TLK2: variants seen among roughly 807,000 people sequenced by gnomAD.
TLK2 encodes tousled like kinase 2, also known as serine/threonine-protein kinase tousled-like 2.
Under a neutral mutation model 117.3 loss-of-function variants are expected in TLK2, and 6 were observed. That is an observed-to-expected ratio of 0.05 (90% CI 0.03 to 0.10). The LOEUF (loss-of-function observed/expected upper bound fraction) is 0.10. TLK2 is among the 10% of genes least tolerant of loss of function. The probability of loss-of-function intolerance (pLI) is 1.00; values close to 1 mark genes in which losing one functional copy is unlikely to be tolerated. For missense variants in TLK2, 299 were observed against 901.2 expected (o/e 0.33, Z 8.56); for synonymous variants, 257 against 316.7 (o/e 0.81, Z 2.00).
chr17:62,512,371 C>T (rs1598308170), intron 2 of TLK2, among the ~76,000 whole-genome samples: 1 of 151,784 alleles, frequency 6.6e-6, no homozygotes. Flanking sequence ...TACAGGCATG[C>T]ACCACCACGC....
intron 13 of TLK2, among the ~76,000 whole-genome samples, chr17:62,577,070 C>T (rs2080858706): frequency 6.7e-6 from 1 of 150,192 alleles, no homozygotes; most frequent in Non-Finnish European, 1.5e-5. Flanking sequence ...TCAAGCGATT[C>T]TCGTGTCTCA....
chr17:62,599,062 C>T (rs182143215), intron 17 of TLK2, among the ~76,000 whole-genome samples: 2 of 152,226 alleles, frequency 1.3e-5, no homozygotes, highest in East Asian at 3.9e-4. Context: ...TCTCCTGCCT[C>T]AGCCTCCCAA....
chr17:62,576,966 C>CTTCTTTTTTTTTTTTTTTT (rs749402691), intron 13 of TLK2, among the ~76,000 whole-genome samples, 191 bp downstream of exon 13: 1 of 115,950 alleles, frequency 8.6e-6, no homozygotes, highest in East Asian at 3.2e-4. Flanking sequence ...CTTTCTTCTT[C>CTTCTTTTTTTTTTTTTTTT]TTTTTTTTTT....
chr17:62,594,827 CACA>C (rs2082344011), intron 16 of TLK2, among the ~76,000 whole-genome samples: 2 of 133,738 alleles, frequency 1.5e-5, no homozygotes, highest in Non-Finnish European at 3.4e-5. Context: ...CACACACACA[CACA>C]CCCCATGTGG....
chr17:62,515,021 C>T (rs887051537), intron 2 of TLK2, among the ~76,000 whole-genome samples: 3 of 152,226 alleles, frequency 2.0e-5, no homozygotes, highest in Non-Finnish European at 2.9e-5. Context: ...TAAACAACTC[C>T]TCATCTCTAC....
rs186814657 is a variant in TLK2, at chr17:62,524,763, C to T, written c.363+432C>T. Among the ~76,000 whole-genome samples the T allele has an allele frequency of 9.2e-5, 14 of 152,216 alleles. No individual in the cohort carries two copies. In the East Asian group the frequency reaches 2.7e-3, roughly 29 times the overall value. ...TGCAGATTTGTGATAGGTATGTTTCCAGCCTGTAAAAGAGATCTGAAGGTC... is the reference window on the plus strand; with the variant it reads ...TGCAGATTTGTGATAGGTATGTTTCTAGCCTGTAAAAGAGATCTGAAGGTC... On this transcript the variant is annotated intron_variant, in intron 6 of 21. Coordinates refer to ENST00000346027, the MANE Select transcript of TLK2 (RefSeq NM_006852.6).
intron 16 of TLK2, among the ~76,000 whole-genome samples, chr17:62,587,952 A>C (rs189717929): frequency 8.1e-4 from 123 of 151,560 alleles, no homozygotes; most frequent in Admixed American, 1.4e-3. Flanking sequence ...ACATATACAG[A>C]TGTATATGTA....
At chr17:62,553,044 G>T (rs1429148063) in intron 8 of TLK2, among the ~76,000 whole-genome samples, 3 of 152,126 alleles carry the variant, frequency 2.0e-5, no homozygotes, top group African/African-American at 7.2e-5. Context: ...AAGGATGGTG[G>T]CTATAGCTTC....
intron 12 of TLK2, among the ~76,000 whole-genome samples, chr17:62,576,454 A>T (rs2080791723): frequency 1.3e-5 from 2 of 152,222 alleles, no homozygotes; most frequent in Admixed American, 1.3e-4. Context: ...AAAATAATAT[A>T]AAAATATGGC....
chr17:62,496,941 A>G (rs1177781972), intron 2 of TLK2, among the ~76,000 whole-genome samples: 6 of 138,802 alleles, frequency 4.3e-5, no homozygotes, highest in East Asian at 2.2e-4. Flanking sequence ...TGGGCAACAG[A>G]GTGAGACTCC....
rs56194146 is a variant in TLK2 at position 62,498,428 on chromosome 17, C to T, written c.81+17222C>T. On this transcript the variant is annotated intron_variant, in intron 2 of 21. Coordinates refer to ENST00000346027, the MANE Select transcript of TLK2 (RefSeq NM_006852.6). ...TTTTTGAGACAAAGTCTTGCTCTGT[C>T]GCCCAGGCTGTAGTGCAGTGGCACA... Among the ~76,000 whole-genome samples, 642 of 148,496 alleles carry T rather than the reference C, an allele frequency of 4.3e-3. 4 individuals are homozygous for T. Among genetic ancestry groups the T allele is most frequent in the Non-Finnish European group, 7.8e-3 (529 of 67,414 alleles).
At chr17:62,509,080 T>TTTTA (rs908211555) in intron 2 of TLK2, among the ~76,000 whole-genome samples, 25 of 152,258 alleles carry the variant, frequency 1.6e-4, no homozygotes, top group Admixed American at 3.9e-4. Flanking sequence ...TAACCTTTTA[T>TTTTA]TTTATTTATT....
chr17:62,612,337 C>T (rs1403641053), intron 21 of TLK2, 55 bp from the exon 22 acceptor site: 135 of 1,563,628 alleles, frequency 8.6e-5, no homozygotes, highest in Non-Finnish European at 1.7e-6. Context: ...CTTAGGGTTC[C>T]CTCCAGGGGT....
At chr17:62,599,412 T>C (rs914477265) in intron 17 of TLK2, among the ~76,000 whole-genome samples, 1 of 152,224 alleles carries the variant, frequency 6.6e-6, no homozygotes. Flanking sequence ...CTCAGTTCTG[T>C]TCCTCGCCCT....
chr17:62,574,546 C>T lies in TLK2; in HGVS notation c.1121+1179C>T. The T allele has an allele frequency of 4.9e-6, 3 of 617,720 alleles. No homozygotes were observed. In the South Asian group the frequency reaches 5.7e-5, roughly 12 times the overall value. The allele number at this position is 617,720 out of a possible 1,614,324, so 38.3% of individuals were successfully genotyped here. ...TTGTTTTTTTTTTTTGAGACGAAGT[C>T]TCACTCCGTCGCCCAGGCCAGAGTG... On this transcript the variant is annotated intron_variant, in intron 12 of 21. Transcript: ENST00000346027.
intron 16 of TLK2, among the ~76,000 whole-genome samples, chr17:62,588,342 T>C (rs2081811319): frequency 6.6e-6 from 1 of 152,188 alleles, no homozygotes; most frequent in East Asian, 1.9e-4. Flanking sequence ...AAGCCGGGCC[T>C]TGTCCCTCCT....
In TLK2 at chr17:62,600,486, A is replaced by G. The variant is rs562556701; in HGVS notation, c.1551-165A>G. 57 of 583,186 alleles carry G rather than the reference A, an allele frequency of 9.8e-5. 2 individuals carry two copies. The South Asian group carries it at 1.7e-3, about 18-fold the overall frequency. 36.1% of individuals were successfully genotyped at this position (583,186 alleles called of 1,614,324 possible). ...AAGAGAATAAGCAGTTTCTTACCAG[A>G]AACCCCTCAGCTAATACTGAATAAA... On this transcript the variant is annotated intron_variant, in intron 17 of 21. Transcript: ENST00000346027.
intron 11 of TLK2, among the ~76,000 whole-genome samples, chr17:62,567,971 T>G (rs1023582931): frequency 3.9e-5 from 6 of 152,164 alleles, no homozygotes; most frequent in African/African-American, 1.4e-4. Context: ...TTTGAATCTT[T>G]TGAAAAAGTA....
intron 11 of TLK2, among the ~76,000 whole-genome samples, chr17:62,569,897 G>A (rs1244451305): frequency 6.6e-6 from 1 of 152,160 alleles, no homozygotes; most frequent in East Asian, 1.9e-4. Flanking sequence ...TCAGGAGTCT[G>A]AAAGTCTGAA....
Sources: allele counts gnomAD v4.1 joint callset (sites outside exome capture counted in the v4.1 genomes callset), GRCh38; gene constraint gnomAD v4.1.1; transcripts MANE v1.5; gene names NCBI Gene and HGNC (gene_info 2026-07-23, HGNC 2026-07-21).